MMAB: variants seen among roughly 807,000 people sequenced by gnomAD.
MMAB encodes metabolism of cobalamin associated B.
A neutral mutation model predicts 30.6 loss-of-function variants in MMAB; 17 were observed. That is an observed-to-expected ratio of 0.56 (90% CI 0.38 to 0.83). MMAB has a LOEUF of 0.83. MMAB is among the 40% of genes least tolerant of loss of function. MMAB has a pLI of 0.00. For missense variants in MMAB, 311 were observed against 331.6 expected (o/e 0.94, Z 0.48); for synonymous variants, 134 against 138.6 (o/e 0.97, Z 0.23).
intron 3 of MMAB, among the ~76,000 whole-genome samples, chr12:109,567,594 G>T (rs1311987153): frequency 6.6e-6 from 1 of 152,168 alleles, no homozygotes; most frequent in East Asian, 1.9e-4. Context: ...ACAGGCTCTG[G>T]CCGCTGAAAT....
rs1566128932 is a variant in MMAB at position 109,556,148 on chromosome 12, T to C, written c.*880A>G. ...AGCAGGAGGGAGCAGCAGTGACAAC[T>C]GAAATAAATACAGCCGTGGCACCGA... On this transcript the variant is annotated 3_prime_UTR_variant, in exon 9 of 9. Coordinates refer to ENST00000545712, the MANE Select transcript of MMAB (RefSeq NM_052845.4). The C allele has an allele frequency of 2.2e-6, 1 of 453,072 alleles. No homozygotes were observed. The highest frequency in any genetic ancestry group is 4.4e-6 in the Non-Finnish European group (1 of 225,914). 28.1% of individuals were successfully genotyped at this position (453,072 alleles called of 1,614,324 possible).
At chr12:109,568,907 T>G in intron 2 of MMAB, 44 bp from the exon 3 acceptor site, 1 of 1,378,218 alleles carries the variant, frequency 7.3e-7, no homozygotes, top group East Asian at 2.3e-5. Context: ...GATTCTGTTT[T>G]CCTGATATGC....
intron 4 of MMAB, among the ~76,000 whole-genome samples, chr12:109,564,557 A>ATT (rs1225684291): frequency 1.1e-4 from 15 of 140,662 alleles, no homozygotes; most frequent in Non-Finnish European, 1.3e-4. Context: ...CTAATTTTTA[A>ATT]TTTTTTTTTT....
rs1883900624 is a variant in MMAB, at chr12:109,554,654, C to A, written c.*2374G>T. The A allele has an allele frequency of 4.4e-6, 2 of 454,014 alleles. No homozygotes were observed. The highest frequency in any genetic ancestry group is 4.0e-5 in the African/African-American group (2 of 50,018). The allele number at this position is 454,014 out of a possible 1,614,324, so 28.1% of individuals were successfully genotyped here. A position where few individuals can be genotyped will look rare whatever the true frequency, so the allele number is the denominator to read the frequency against. On this transcript the variant is annotated 3_prime_UTR_variant, in exon 9 of 9. Coordinates refer to ENST00000545712, the MANE Select transcript of MMAB (RefSeq NM_052845.4). Reference sequence around the variant, plus strand: ...CAGCGGGGGCTTCGCAGTCACATTTCCTGACTGTAGGGCTTTCATTAACTT... The same window carrying A: ...CAGCGGGGGCTTCGCAGTCACATTTACTGACTGTAGGGCTTTCATTAACTT...
intron 2 of MMAB, among the ~76,000 whole-genome samples, chr12:109,570,450 C>G (rs1189327261): frequency 6.6e-6 from 1 of 152,146 alleles, no homozygotes; most frequent in African/African-American, 2.4e-5. Flanking sequence ...CATTTTGACC[C>G]TTCTTAAGTT....
chr12:109,556,903 G>T lies in MMAB; in HGVS notation c.*125C>A. 1 of 710,912 alleles carries T rather than the reference G, an allele frequency of 1.4e-6. No individual in the cohort carries two copies. The allele number at this position is 710,912 out of a possible 1,614,324, so 44.0% of individuals were successfully genotyped here. A position where few individuals can be genotyped will look rare whatever the true frequency, so the allele number is the denominator to read the frequency against. On this transcript the variant is annotated 3_prime_UTR_variant, in exon 9 of 9. Transcript: ENST00000545712. ...AGAGGTGTAGATCAAAGCTGAGCTG[G>T]GACAAAAGGCTGCTTTGAGCCTCTC...
chr12:109,554,834 C>T lies in MMAB; in HGVS notation c.*2194G>A. ...CCATCCTTCCAGCCCCCAAAGCAAGCTTTCTCCATTTTTCCCAGGTTGGTA... is the reference window on the plus strand; with the variant it reads ...CCATCCTTCCAGCCCCCAAAGCAAGTTTTCTCCATTTTTCCCAGGTTGGTA... On this transcript the variant is annotated 3_prime_UTR_variant, in exon 9 of 9. Coordinates refer to ENST00000545712, the MANE Select transcript of MMAB (RefSeq NM_052845.4). The T allele has an allele frequency of 2.2e-6, 1 of 453,988 alleles. No homozygotes were observed. The allele number at this position is 453,988 out of a possible 1,614,324, so 28.1% of individuals were successfully genotyped here.
intron 4 of MMAB, among the ~76,000 whole-genome samples, chr12:109,562,989 C>T (rs74812251): frequency 0.016 from 2,390 of 152,296 alleles, 71 homozygotes; most frequent in African/African-American, 0.055. Flanking sequence ...TGAAGGTCTG[C>T]GACTTCTGAC....
At chr12:109,559,234 C>A in intron 7 of MMAB, 79 bp from the exon 8 acceptor site, 1 of 1,062,098 alleles carries the variant, frequency 9.4e-7, no homozygotes, top group Non-Finnish European at 1.5e-6. Context: ...CCTTGAGCAG[C>A]ATTTCACATC....
At position 109,555,449 on chromosome 12, in the gene MMAB, ATTTTTTTTT is replaced by A. The variant is rs34507867; in HGVS notation, c.*1570_*1578del. 5.0e-5 allele frequency: 16 copies of A among 318,568 alleles called. No homozygotes were observed. Among genetic ancestry groups the A allele is most frequent in the Admixed American group, 1.3e-4 (3 of 22,276 alleles). 19.7% of individuals were successfully genotyped at this position (318,568 alleles called of 1,614,324 possible). ...AGGCACCCGCCACCATGCCCAGCTA[ATTTTTTTTT>A]TTTTTTTTTTTTTTTAGCAGAAATG... On this transcript the variant is annotated 3_prime_UTR_variant, in exon 9 of 9. Coordinates refer to ENST00000545712, the MANE Select transcript of MMAB (RefSeq NM_052845.4).
In MMAB at chr12:109,561,790, C is replaced by T. The variant is rs1270324886; in HGVS notation, c.411G>A (p.Glu137=). 6.2e-7 allele frequency: 1 copy of T among 1,608,340 alleles called. No individual in the cohort carries two copies. Among genetic ancestry groups the T allele is most frequent in the Non-Finnish European group, 8.5e-7 (1 of 1,177,316 alleles). ...ALATPCSSAR[E]AHLKYTTFKA... is the part of the protein sequence containing the mutation. ...GAGTTTGAGAATTACTTAAGTGAGC[C>T]TCCCGGGCCGAGGAGCATGGTGTCG... Residue 137 remains glutamate, a synonymous_variant, in exon 5 of 9, where the codon GAG becomes GAA. Transcript: ENST00000545712. This position sits in a 1 kb window ranked among gnomAD's most constrained non-coding sequence, Gnocchi z 5.3.
intron 3 of MMAB, among the ~76,000 whole-genome samples, chr12:109,565,590 C>T (rs1884392747): frequency 6.6e-6 from 1 of 152,236 alleles, no homozygotes; most frequent in Non-Finnish European, 1.5e-5. Context: ...GCAAATTCTG[C>T]ACCGCTGCTG....
At chr12:109,564,411 TC>T (rs1884336915) in intron 4 of MMAB, among the ~76,000 whole-genome samples, 1 of 145,308 alleles carries the variant, frequency 6.9e-6, no homozygotes, top group African/African-American at 2.5e-5. Flanking sequence ...AAAGACAGGA[TC>T]CCACTCTGTT....
chr12:109,570,005 T>C (rs745931447), intron 2 of MMAB: 2 of 224,518 alleles, frequency 8.9e-6, no homozygotes, highest in South Asian at 7.6e-5. Context: ...GCTCACACTG[T>C]AATCCCAGGA....
In MMAB at chr12:109,554,164, C is replaced by T. The variant is rs1304967203; in HGVS notation, c.*2864G>A. 3 of 453,014 alleles carry T rather than the reference C, an allele frequency of 6.6e-6. No homozygotes were observed. Among genetic ancestry groups the T allele is most frequent in the African/African-American group, 6.0e-5 (3 of 49,994 alleles). The allele number at this position is 453,014 out of a possible 1,614,324, so 28.1% of individuals were successfully genotyped here. A position where few individuals can be genotyped will look rare whatever the true frequency, so the allele number is the denominator to read the frequency against. ...TCCGGGGCTCACATCTTGGCACTGA[C>T]TCCCCAGGACAACTTGGTTCCCCAC... On this transcript the variant is annotated 3_prime_UTR_variant, in exon 9 of 9. Transcript: ENST00000545712.
At chr12:109,571,209 C>T (rs1884616502) in intron 2 of MMAB, among the ~76,000 whole-genome samples, 1 of 151,934 alleles carries the variant, frequency 6.6e-6, no homozygotes, top group Non-Finnish European at 1.5e-5. Flanking sequence ...ATTTTTGTAA[C>T]ATATTTTGAG....
At chr12:109,559,031 C>T (rs938882625) in intron 8 of MMAB, 65 bp downstream of exon 8, 9 of 1,266,538 alleles carry the variant, frequency 7.1e-6, no homozygotes, top group Non-Finnish European at 9.2e-6. Context: ...ACCGCTGCAC[C>T]GCTGCTACTT....
intron 4 of MMAB, among the ~76,000 whole-genome samples, chr12:109,562,753 G>A (rs1227401797): frequency 6.6e-6 from 1 of 152,246 alleles, no homozygotes; most frequent in Non-Finnish European, 1.5e-5. Context: ...GAGGCGTGTG[G>A]GGATTCTGGG....
chr12:109,556,809 G>A lies in MMAB; in HGVS notation c.*219C>T, dbSNP rs930528124. The A allele has an allele frequency of 1.5e-6, 1 of 663,450 alleles. No homozygotes were observed. Among genetic ancestry groups the A allele is most frequent in the Non-Finnish European group, 2.8e-6 (1 of 361,466 alleles). 41.1% of individuals were successfully genotyped at this position (663,450 alleles called of 1,614,324 possible). ...CATTCCCACATCCCTCCAAGACCCA[G>A]GAGAGCTTGGGGAAGCAGGGTCAGG... On this transcript the variant is annotated 3_prime_UTR_variant, in exon 9 of 9. Coordinates refer to ENST00000545712, the MANE Select transcript of MMAB (RefSeq NM_052845.4).
Sources: allele counts gnomAD v4.1 joint callset (sites outside exome capture counted in the v4.1 genomes callset), GRCh38; gene constraint gnomAD v4.1.1; non-coding constraint Gnocchi (gnomAD v3.1); transcripts MANE v1.5; gene names NCBI Gene and HGNC (gene_info 2026-07-23, HGNC 2026-07-21).